Variants in PSEN2 observed in about 807,000 individuals in gnomAD.
The protein encoded by PSEN2 is presenilin-2.
Under a neutral mutation model 49.1 loss-of-function variants are expected in PSEN2, and 32 were observed. The observed-to-expected ratio is 0.65, with a 90% CI of 0.49 to 0.88. PSEN2 has a LOEUF of 0.88. Ranked by LOEUF, PSEN2 falls within the 40% of genes least tolerant of loss-of-function variation. PSEN2 has a pLI of 0.00. For missense variants in PSEN2, 522 were observed against 586.9 expected, an observed-to-expected ratio of 0.89 and a Z score of 1.14; for synonymous variants, 255 against 244.0, an observed-to-expected ratio of 1.05 and a Z score of -0.42.
chr1:226,880,826 G>A lies in PSEN2; in HGVS notation c.-20-1062G>A. Reference sequence around the variant, plus strand: ...GTCCCCTTGGCCTTGGCCTTCCCCTGGGTCCCGCCCTCAGTGGCACTTCCC... The same window carrying A: ...GTCCCCTTGGCCTTGGCCTTCCCCTAGGTCCCGCCCTCAGTGGCACTTCCC... On this transcript the variant is annotated intron_variant, in intron 3 of 12. Transcript: ENST00000366783. 7 of 1,572,552 alleles carry A rather than the reference G, an allele frequency of 4.5e-6. No individual in the cohort carries two copies. In the South Asian group the frequency reaches 8.3e-5, roughly 19 times the overall value.
chr1:226,882,203 C>G (rs555327999), intron 4 of PSEN2, among the ~76,000 whole-genome samples, 155 bp downstream of exon 4: 3 of 152,340 alleles, frequency 2.0e-5, no homozygotes, highest in South Asian at 4.1e-4. Flanking sequence ...CATGATGGAC[C>G]TTCCATCTGC....
At chr1:226,873,533 A>G (rs896854988) in intron 2 of PSEN2, among the ~76,000 whole-genome samples, 2 of 152,052 alleles carry the variant, frequency 1.3e-5, no homozygotes, top group African/African-American at 2.4e-5. Context: ...CTCCTGCCTC[A>G]GCCTCCTGGG....
rs565851017 is a variant in PSEN2 at position 226,890,900 on chromosome 1, C to T, written c.887-378C>T. ...GCCCGTAGAGGAGAATCGCCTGCAG[C>T]GTGGCCCCACGGGAAAGCACATTCC... On this transcript the variant is annotated intron_variant, in intron 9 of 12. Transcript: ENST00000366783. 4.5e-5 allele frequency: 12 copies of T among 269,454 alleles called. No individual in the cohort carries two copies. In the East Asian group the frequency reaches 8.6e-4, roughly 19 times the overall value. The allele number at this position is 269,454 out of a possible 1,614,324, so 16.7% of individuals were successfully genotyped here.
chr1:226,871,969 C>T (rs527645461), intron 2 of PSEN2, among the ~76,000 whole-genome samples: 2 of 152,358 alleles, frequency 1.3e-5, no homozygotes, highest in African/African-American at 4.8e-5. Context: ...GGGCATGTTG[C>T]TTTGAAGTGG....
chr1:226,881,862 C>G (rs201806443), intron 3 of PSEN2, 26 bp from the exon 4 acceptor site: 35 of 1,614,004 alleles, frequency 2.2e-5, no homozygotes, highest in South Asian at 9.9e-5. Context: ...GAAAGTGGAA[C>G]AAGGTCCTTG....
chr1:226,891,276 A>G lies in PSEN2; in HGVS notation c.887-2A>G. 6.2e-7 allele frequency: 1 copy of G among 1,613,600 alleles called. No homozygotes were observed. The highest frequency in any genetic ancestry group is 8.5e-7 in the Non-Finnish European group (1 of 1,179,882). ...AGATGTGAACCTTTTCTCCTCCCCC[A>G]GCTGCCATGGTGTGGACGGTTGGCA... is the stretch of plus-strand genomic sequence containing the variant. On this transcript the variant is annotated splice_acceptor_variant, in intron 9 of 12. Transcript: ENST00000366783. LOFTEE classifies it high-confidence loss of function.
rs1342006719 is a variant in PSEN2, at chr1:226,891,798, T to C, written c.1026T>C (p.Pro342=). ...GEPSYPEVFE[P]PLTGYPGEEL... ...CTTCATACCCCGAAGTCTTTGAGCC[T>C]CCCTTGACTGGCTACCCAGGGGAGG... Residue 342 remains proline (P), a synonymous_variant, in exon 11 of 13, where the codon CCT becomes CCC. Coordinates refer to ENST00000366783, the MANE Select transcript of PSEN2 (RefSeq NM_000447.3). The C allele has an allele frequency of 6.2e-7, 1 of 1,614,140 alleles. No homozygotes were observed. The highest frequency in any genetic ancestry group is 8.5e-7 in the Non-Finnish European group (1 of 1,180,018).
chr1:226,888,035 C>T (rs1173816163), intron 6 of PSEN2, 56 bp from the exon 7 acceptor site: 3 of 1,440,508 alleles, frequency 2.1e-6, no homozygotes, highest in Non-Finnish European at 2.9e-6. Context: ...TCCTGGGGGC[C>T]TTAGAATTTG....
In PSEN2 at chr1:226,888,820, G is replaced by C. The variant is rs1661541306; in HGVS notation, c.567-9G>C. The C allele has an allele frequency of 6.2e-7, 1 of 1,613,012 alleles. No individual in the cohort carries two copies. The highest frequency in any genetic ancestry group is 8.5e-7 in the Non-Finnish European group (1 of 1,178,972). ...AGTCCCAGTCACAGGCTCCACCTTG[G>C]TCCTGCAGGGAAGTGCTCAAGACCT... On this transcript the variant is annotated splice_polypyrimidine_tract_variant and intron_variant, in intron 7 of 12. Transcript: ENST00000366783.
intron 6 of PSEN2, among the ~76,000 whole-genome samples, chr1:226,887,667 A>G (rs970963743): frequency 3.9e-5 from 6 of 152,098 alleles, no homozygotes; most frequent in African/African-American, 1.4e-4. Context: ...GGCCCTCATC[A>G]TTACCTGCTG....
chr1:226,873,116 G>T (rs886128251), intron 2 of PSEN2, among the ~76,000 whole-genome samples: 5 of 151,928 alleles, frequency 3.3e-5, no homozygotes, highest in African/African-American at 1.2e-4. Context: ...GGCGGAGGTT[G>T]CAGTGAGCCG....
rs756346917 is a variant in PSEN2 at position 226,885,582 on chromosome 1, G to A, written c.401G>A (p.Arg134His). The change falls in exon 6 of 13, where the codon CGC (arginine) becomes CAC (histidine). Residue 134 changes from arginine (R) to histidine (H), a missense_variant. Physicochemically the swap from Arg to His is conservative, Grantham distance 29. Transcript: ENST00000366783. ...GAGGACACACCCTCGGTGGGCCAGC[G>A]CCTCCTCAACTCCGTGCTGAACACC... is the stretch of plus-strand genomic sequence containing the variant. ...FTEDTPSVGQ[R>H]LLNSVLNTLI... 6.2e-6 allele frequency: 10 copies of A among 1,613,716 alleles called. No individual in the cohort carries two copies. The highest frequency in any genetic ancestry group is 2.2e-5 in the East Asian group (1 of 44,850).
At chr1:226,872,505 G>C (rs1660366239) in intron 2 of PSEN2, among the ~76,000 whole-genome samples, 1 of 152,182 alleles carries the variant, frequency 6.6e-6, no homozygotes, top group Non-Finnish European at 1.5e-5. Flanking sequence ...GAGTTTTTGC[G>C]CAGGAGGTTC....
chr1:226,870,672 T>C (rs1317731142), intron 1 of PSEN2, 23 bp downstream of exon 1: 1 of 151,844 alleles, frequency 6.6e-6, no homozygotes, highest in Non-Finnish European at 1.5e-5. Context: ...TGCCGGGGGG[T>C]GCCCAGGCCA....
rs151048692 is a variant in PSEN2, at chr1:226,895,562, C to T, written c.1330C>T (p.His444Tyr). 2.7e-5 allele frequency: 43 copies of T among 1,612,832 alleles called. No individual in the cohort carries two copies. The African/African-American group carries it at 5.3e-4, about 20-fold the overall frequency. ...GCCGTTCATGGACACCCTGGCCTCC[C>T]ATCAGCTCTACATCTGAGGGACATG... The part of the protein sequence containing the change: ...VRPFMDTLAS[H>Y]QLYI Residue 444 changes from histidine (H) to tyrosine (Y), a missense_variant, in exon 13 of 13, where the codon CAT becomes TAT. Physicochemically the swap from His to Tyr is moderately conservative, Grantham distance 83 (BLOSUM62 2). Transcript: ENST00000366783.
chr1:226,885,022 C>G (rs1283170539), intron 5 of PSEN2, among the ~76,000 whole-genome samples: 1 of 152,092 alleles, frequency 6.6e-6, no homozygotes, highest in Non-Finnish European at 1.5e-5. Flanking sequence ...ATGCAGCCAG[C>G]GGTTTGTTTG....
Position 226,895,666 on chromosome 1 carries a change from T to G in PSEN2, c.*87T>G. On this transcript the variant is annotated 3_prime_UTR_variant, in exon 13 of 13. Transcript: ENST00000366783. ...TTTTACACTCTAGTGCCATATATTTTTAAGACTTTTCTTTCCTTAAAAAAT... is the reference window on the plus strand; with the variant it reads ...TTTTACACTCTAGTGCCATATATTTGTAAGACTTTTCTTTCCTTAAAAAAT... 6.9e-7 allele frequency: 1 copy of G among 1,440,658 alleles called. No homozygotes were observed. Among genetic ancestry groups the G allele is most frequent in the South Asian group, 1.2e-5 (1 of 80,602 alleles). 89.2% of individuals were successfully genotyped at this position (1,440,658 alleles called of 1,614,324 possible).
rs1485902971 is a variant in PSEN2, at chr1:226,875,355, T to C, written c.-206-10T>C. 1 of 152,256 alleles carries C rather than the reference T, an allele frequency of 6.6e-6. No homozygotes were observed. Among genetic ancestry groups the C allele is most frequent in the Admixed American group, 6.5e-5 (1 of 15,286 alleles). The allele number at this position is 152,256 out of a possible 1,614,324, so 9.4% of individuals were successfully genotyped here. A position where few individuals can be genotyped will look rare whatever the true frequency, so the allele number is the denominator to read the frequency against. ...TCACCTGACCTTAGCAAACTCTTCC[T>C]TGTTTTAAGCGAGGACGTGGGACTT... On this transcript the variant is annotated splice_polypyrimidine_tract_variant and intron_variant, in intron 2 of 12. Coordinates refer to ENST00000366783, the MANE Select transcript of PSEN2 (RefSeq NM_000447.3).
intron 3 of PSEN2, among the ~76,000 whole-genome samples, chr1:226,876,926 T>C (rs77754809): frequency 0.015 from 2,267 of 152,278 alleles, 62 homozygotes; most frequent in African/African-American, 0.052. Flanking sequence ...TGGGCCTTTT[T>C]CAGCCCAAGA....
Sources: allele counts gnomAD v4.1 joint callset (sites outside exome capture counted in the v4.1 genomes callset), GRCh38; gene constraint gnomAD v4.1.1; transcripts MANE v1.5; gene names NCBI Gene and HGNC (gene_info 2026-07-23, HGNC 2026-07-21).